The following EPC2 variants were observed in gnomAD, a reference collection of about 807,000 sequenced individuals.
EPC2 encodes the protein enhancer of polycomb 2.
In EPC2, 14 loss-of-function variants were observed where a neutral mutation model predicts 92.1. That is an observed-to-expected ratio of 0.15 (90% confidence interval 0.10 to 0.24). The LOEUF is 0.24. EPC2 is among the 10% of genes least tolerant of loss of function. The pLI, the probability that EPC2 is intolerant of heterozygous loss-of-function variation, is 1.00. For synonymous variants in EPC2, 340 were observed against 334.7 expected (o/e 1.02, Z -0.17); for missense variants, 755 against 971.5 (o/e 0.78, Z 2.96).
chr2:148,650,089 C>T (rs191150058), intron 1 of EPC2, among the ~76,000 whole-genome samples: 1 of 152,146 alleles, frequency 6.6e-6, no homozygotes, highest in East Asian at 1.9e-4. Flanking sequence ...TTAGATTTTT[C>T]TCCTGCTAGG....
At chr2:148,678,578 G>A (rs1558806613) in intron 1 of EPC2, among the ~76,000 whole-genome samples, 1 of 152,376 alleles carries the variant, frequency 6.6e-6, no homozygotes. Context: ...GCGAGAAATC[G>A]AGCGCAGCAC....
intron 1 of EPC2, among the ~76,000 whole-genome samples, chr2:148,655,229 T>C (rs936000763): frequency 1.4e-4 from 21 of 152,214 alleles, no homozygotes; most frequent in Non-Finnish European, 1.3e-4. Flanking sequence ...AACCCCAAAA[T>C]GCTTCCTCCT....
chr2:148,740,835 T>C (rs1176015235), intron 2 of EPC2, among the ~76,000 whole-genome samples: 2 of 152,184 alleles, frequency 1.3e-5, no homozygotes. Context: ...CCTGATTTTA[T>C]TGACTGTTTG....
chr2:148,691,726 C>T, intron 2 of EPC2: 2 of 1,056,878 alleles, frequency 1.9e-6, no homozygotes, highest in East Asian at 5.1e-5. Flanking sequence ...GGCTGCAGAT[C>T]TGCTCAAGGT....
intron 2 of EPC2, among the ~76,000 whole-genome samples, chr2:148,706,382 G>A (rs1681999798): frequency 6.6e-6 from 1 of 152,172 alleles, no homozygotes; most frequent in South Asian, 2.1e-4. Flanking sequence ...TGGTGTACCT[G>A]AAAGTGGCGG....
chr2:148,761,192 C>T (rs139424116), intron 4 of EPC2, among the ~76,000 whole-genome samples: 318 of 152,320 alleles, frequency 2.1e-3, no homozygotes, highest in African/African-American at 7.2e-3. Flanking sequence ...CTTTTCTACT[C>T]AGCAGTGGAG....
chr2:148,785,078 C>G, intron 13 of EPC2, 77 bp downstream of exon 13: 1 of 1,213,502 alleles, frequency 8.2e-7, no homozygotes, highest in Non-Finnish European at 1.1e-6. Context: ...TTTTTTTACA[C>G]TGCTCAAGCA....
At chr2:148,684,213 T>C (rs748194472) in intron 1 of EPC2, among the ~76,000 whole-genome samples, 1 of 152,232 alleles carries the variant, frequency 6.6e-6, no homozygotes, top group Non-Finnish European at 1.5e-5. Context: ...GGGATTGTTT[T>C]TTTTCTTGCT....
At position 148,689,529 on chromosome 2, in the gene EPC2, A is replaced by C. The variant is rs142550412; in HGVS notation, c.154-685A>C. Among the ~76,000 whole-genome samples, 98 of 152,156 alleles carry C rather than the reference A, an allele frequency of 6.4e-4. 1 individual carries two copies. The highest frequency in any genetic ancestry group is 2.3e-3 in the African/African-American group (94 of 41,500). The stretch of plus-strand genomic sequence containing the variant: ...ATAGGATGGAGATCAGAAATCCTTT[A>C]TGGGGTGGGTGGCATGACACGATTT... On this transcript the variant is annotated intron_variant, in intron 1 of 13. Coordinates refer to ENST00000258484, the MANE Select transcript of EPC2 (RefSeq NM_015630.4).
chr2:148,766,730 G>T (rs887913138), intron 7 of EPC2, among the ~76,000 whole-genome samples: 6 of 152,316 alleles, frequency 3.9e-5, no homozygotes, highest in Middle Eastern at 6.8e-3. Context: ...GTAATACCCA[G>T]ATGGCAGATA....
intron 2 of EPC2, among the ~76,000 whole-genome samples, chr2:148,719,208 T>TCGTTGTTACCACCTTCTG (rs1309095559): frequency 6.6e-6 from 1 of 152,178 alleles, no homozygotes; most frequent in African/African-American, 2.4e-5. Flanking sequence ...TCAGTGAACT[T>TCGTTGTTACCACCTTCTG]CGTTGTTACC....
At chr2:148,648,966 A>G (rs942500676) in intron 1 of EPC2, among the ~76,000 whole-genome samples, 2 of 152,164 alleles carry the variant, frequency 1.3e-5, no homozygotes, top group Non-Finnish European at 2.9e-5. Flanking sequence ...TGGTCTTTGT[A>G]ATGCTCCTCA....
At chr2:148,711,024 T>C (rs1207357028) in intron 2 of EPC2, among the ~76,000 whole-genome samples, 1 of 152,158 alleles carries the variant, frequency 6.6e-6, no homozygotes, top group East Asian at 1.9e-4. Context: ...ATTGATTTTA[T>C]TGATCTTTTT....
intron 2 of EPC2, among the ~76,000 whole-genome samples, chr2:148,729,026 C>T (rs533487006): frequency 1.2e-3 from 84 of 71,410 alleles, no homozygotes; most frequent in Non-Finnish European, 1.7e-3. Flanking sequence ...AGCGAAACTC[C>T]ATCTCAAAAA....
chr2:148,733,321 T>C (rs1682683078), intron 2 of EPC2, among the ~76,000 whole-genome samples: 1 of 151,868 alleles, frequency 6.6e-6, no homozygotes, highest in South Asian at 2.1e-4. Flanking sequence ...CTTTTCCTAA[T>C]GAACTTAAAC....
chr2:148,740,260 G>C (rs1199453680), intron 2 of EPC2, among the ~76,000 whole-genome samples: 1 of 151,076 alleles, frequency 6.6e-6, no homozygotes, highest in Non-Finnish European at 1.5e-5. Context: ...GCCATGTAGG[G>C]AGTATACAGG....
At chr2:148,772,528 A>G (rs974055507) in intron 10 of EPC2, among the ~76,000 whole-genome samples, 10 of 152,178 alleles carry the variant, frequency 6.6e-5, no homozygotes, top group Non-Finnish European at 1.0e-4. Context: ...TCTTTTAGCT[A>G]CTGAACTGCC....
Position 148,658,593 on chromosome 2 carries a change from CTG to C in EPC2, c.153+13437_153+13438del, listed in dbSNP as rs771108217. 7.2e-3 allele frequency among the ~76,000 whole-genome samples: 1,013 copies of C among 140,426 alleles called. 10 individuals are homozygous for C. The highest frequency in any genetic ancestry group is 0.029 in the East Asian group (132 of 4,506). 92.1% of individuals were successfully genotyped at this position (140,426 alleles called of 152,430 possible). ...GGAATTTGCAAGTAATGAAGATTAG[CTG>C]TGTGTGTGTGTGTATATATATATAT... On this transcript the variant is annotated intron_variant, in intron 1 of 13. Coordinates refer to ENST00000258484, the MANE Select transcript of EPC2 (RefSeq NM_015630.4).
chr2:148,704,666 A>C (rs1681957293), intron 2 of EPC2, among the ~76,000 whole-genome samples: 1 of 152,182 alleles, frequency 6.6e-6, no homozygotes, highest in Admixed American at 6.5e-5. Flanking sequence ...CAACATTTTT[A>C]CTTATTTAGC....
Sources: gnomAD v4.1 joint callset for allele counts (sites outside exome capture counted in the v4.1 genomes callset) on GRCh38, gnomAD v4.1.1 for gene constraint, MANE v1.5 for transcripts, NCBI Gene and HGNC (gene_info 2026-07-23, HGNC 2026-07-21) for gene names.